Variants in PARD3 observed in about 807,000 individuals in gnomAD.
PARD3 encodes the protein par-3 family cell polarity regulator, also known as partitioning defective 3 homolog.
Under a neutral mutation model 155.4 loss-of-function variants are expected in PARD3, and 75 were observed. The ratio of observed to expected loss-of-function variants is 0.48; its 90% CI spans 0.40 to 0.58. The LOEUF is 0.58. Ranked by LOEUF, PARD3 falls within the 20% of genes least tolerant of loss-of-function variation. The probability of loss-of-function intolerance (pLI) is 0.00; values close to 1 mark genes in which losing one functional copy is unlikely to be tolerated. For missense variants in PARD3, 1,642 were observed against 1,721.7 expected (o/e 0.95, Z 0.82); for synonymous variants, 576 against 610.5 (o/e 0.94, Z 0.83).
chr10:34,763,806 A>AT (rs1156739013), intron 1 of PARD3, among the ~76,000 whole-genome samples: 2 of 152,172 alleles, frequency 1.3e-5, no homozygotes, highest in South Asian at 2.1e-4. Flanking sequence ...AGATTATGTG[A>AT]TTTTCTGCCA....
intron 1 of PARD3, among the ~76,000 whole-genome samples, chr10:34,778,083 G>A (rs1014523648): frequency 1.3e-5 from 2 of 152,122 alleles, no homozygotes; most frequent in African/African-American, 2.4e-5. Flanking sequence ...CAAAATCCAA[G>A]GATGCTTAAC....
chr10:34,258,603 A>G (rs1195428673), intron 22 of PARD3, among the ~76,000 whole-genome samples: 3 of 152,172 alleles, frequency 2.0e-5, no homozygotes, highest in Non-Finnish European at 4.4e-5. Context: ...GCTTATAAAG[A>G]GAGAACTGGG....
At chr10:34,243,302 T>A (rs1286576956) in intron 22 of PARD3, among the ~76,000 whole-genome samples, 2 of 152,222 alleles carry the variant, frequency 1.3e-5, no homozygotes, top group African/African-American at 2.4e-5. Flanking sequence ...ACTAGATAGA[T>A]GCAAATCATC....
At position 34,692,731 on chromosome 10, in the gene PARD3, G is replaced by A. The variant is rs146330170; in HGVS notation, c.222+3587C>T. 9.9e-3 allele frequency among the ~76,000 whole-genome samples: 1,501 copies of A among 151,876 alleles called. 28 individuals carry two copies. Among genetic ancestry groups the A allele is most frequent in the African/African-American group, 0.034 (1,419 of 41,394 alleles). On this transcript the variant is annotated intron_variant, in intron 2 of 24. Coordinates refer to ENST00000374788, the MANE Select transcript of PARD3 (RefSeq NM_001184785.2). ...TCTACTAAAAATACAAAAATTAGCC[G>A]GGCATGGTGGCGGGCACCTGTAATC... is the stretch of plus-strand genomic sequence containing the variant.
chr10:34,388,261 T>A (rs1314502358), intron 7 of PARD3, among the ~76,000 whole-genome samples: 1 of 152,204 alleles, frequency 6.6e-6, no homozygotes, highest in African/African-American at 2.4e-5. Context: ...AAGAATGGAT[T>A]AATTTAAAAG....
chr10:34,735,024 A>T (rs1482573445), intron 1 of PARD3, among the ~76,000 whole-genome samples: 1 of 151,932 alleles, frequency 6.6e-6, no homozygotes, highest in African/African-American at 2.4e-5. Flanking sequence ...AAAATGGATA[A>T]ATTAATAGGA....
chr10:34,489,721 GC>G (rs1419844545), intron 3 of PARD3, among the ~76,000 whole-genome samples: 4 of 152,130 alleles, frequency 2.6e-5, no homozygotes, highest in African/African-American at 9.7e-5. Flanking sequence ...AAGTAAACAT[GC>G]CTTGATCATT....
At chr10:34,151,425 T>A (rs1039414047) in intron 22 of PARD3, among the ~76,000 whole-genome samples, 7 of 152,256 alleles carry the variant, frequency 4.6e-5, no homozygotes, top group Middle Eastern at 3.4e-3. Context: ...GGTTTTTTTT[T>A]AAATTTTATT....
intron 4 of PARD3, among the ~76,000 whole-genome samples, chr10:34,453,412 G>A (rs1469306345): frequency 1.3e-5 from 2 of 152,126 alleles, no homozygotes; most frequent in African/African-American, 4.8e-5. Context: ...AGGGAAGCCT[G>A]GGCAGATCAT....
chr10:34,395,253 T>A (rs990692144), intron 7 of PARD3, among the ~76,000 whole-genome samples: 1 of 152,126 alleles, frequency 6.6e-6, no homozygotes, highest in Admixed American at 6.5e-5. Context: ...CAGGCTGGTC[T>A]TGAACTCTTG....
At chr10:34,714,752 G>A (rs2094494203) in intron 1 of PARD3, among the ~76,000 whole-genome samples, 1 of 150,768 alleles carries the variant, frequency 6.6e-6, no homozygotes, top group African/African-American at 2.4e-5. Context: ...AGACATCTTT[G>A]TAAGCAAAGA....
At chr10:34,171,929 G>T (rs1162763869) in intron 22 of PARD3, among the ~76,000 whole-genome samples, 1 of 117,708 alleles carries the variant, frequency 8.5e-6, no homozygotes, top group Non-Finnish European at 1.6e-5. Context: ...CAGCCTGGGT[G>T]ACAGAGATGA....
intron 22 of PARD3, among the ~76,000 whole-genome samples, chr10:34,248,821 A>G (rs947874245): frequency 1.3e-5 from 2 of 152,256 alleles, no homozygotes; most frequent in African/African-American, 4.8e-5. Flanking sequence ...TCATACTCAC[A>G]CAAAGCAAGC....
intron 22 of PARD3, among the ~76,000 whole-genome samples, chr10:34,201,673 G>A (rs648768): frequency 0.64 from 96,749 of 152,024 alleles, 31,676 homozygotes; most frequent in African/African-American, 0.71. Context: ...TAAAATTCAA[G>A]GAGTTGTTCA....
intron 9 of PARD3, among the ~76,000 whole-genome samples, chr10:34,381,912 C>CAAAAAAAAAAAAAAAAAA (rs202053812): frequency 9.0e-4 from 65 of 71,844 alleles, no homozygotes; most frequent in East Asian, 1.1e-3. Context: ...GGCCCTGTCT[C>CAAAAAAAAAAAAAAAAAA]AAAAAAAAAA....
chr10:34,596,816 G>A (rs1010350022), intron 2 of PARD3, among the ~76,000 whole-genome samples: 1 of 152,162 alleles, frequency 6.6e-6, no homozygotes, highest in Non-Finnish European at 1.5e-5. Context: ...GAGAGTGGCA[G>A]AGATTTGCAC....
chr10:34,475,272 T>A (rs1245268800), intron 3 of PARD3, among the ~76,000 whole-genome samples: 1 of 152,160 alleles, frequency 6.6e-6, no homozygotes, highest in Non-Finnish European at 1.5e-5. Context: ...ACAAAGCACA[T>A]TTAGTGGAAA....
chr10:34,547,071 C>T (rs576195239), intron 2 of PARD3, among the ~76,000 whole-genome samples: 2 of 152,126 alleles, frequency 1.3e-5, no homozygotes, highest in Non-Finnish European at 2.9e-5. Context: ...TTGCCTAGAC[C>T]ACAACGGCTG....
At chr10:34,710,975 A>G (rs10827396) in intron 1 of PARD3, among the ~76,000 whole-genome samples, 42,231 of 152,054 alleles carry the variant, frequency 0.28, 7,205 homozygotes, top group Non-Finnish European at 0.38. Context: ...CAGGAATTCA[A>G]GACCAGCCTG....
Sources: gnomAD v4.1 joint callset for allele counts (sites outside exome capture counted in the v4.1 genomes callset) on GRCh38, gnomAD v4.1.1 for gene constraint, MANE v1.5 for transcripts, NCBI Gene and HGNC (gene_info 2026-07-23, HGNC 2026-07-21) for gene names.